Variants in SRPRB observed in about 807,000 individuals in gnomAD.
SRPRB encodes the protein signal recognition particle receptor subunit beta.
In SRPRB, 20 loss-of-function variants were observed where a neutral mutation model predicts 31.9. That is an observed-to-expected ratio of 0.63 (90% confidence interval 0.44 to 0.91). The LOEUF is 0.91. SRPRB is among the 40% of genes least tolerant of loss of function. The pLI is 0.00. For synonymous variants in SRPRB, 146 were observed against 132.8 expected (o/e 1.10, Z -0.68); for missense variants, 321 against 324.9 (o/e 0.99, Z 0.09).
chr3:133,813,585 ATT>A (rs1241920411), intron 4 of SRPRB, among the ~76,000 whole-genome samples: 1 of 152,034 alleles, frequency 6.6e-6, no homozygotes, highest in Non-Finnish European at 1.5e-5. Context: ...ATACTATTCT[ATT>A]TTTTATTGTA....
chr3:133,788,995 G>A (rs1934761377), intron 1 of SRPRB: 1 of 152,250 alleles, frequency 6.6e-6, no homozygotes, highest in Non-Finnish European at 1.5e-5. Context: ...TTACACCCAG[G>A]AACCAAAGGA....
Position 133,816,862 on chromosome 3 carries a change from CTT to C in SRPRB, c.548-14_548-13del, listed in dbSNP as rs1330248765. The C allele has an allele frequency of 6.9e-6, 11 of 1,601,728 alleles. No homozygotes were observed. The highest frequency in any genetic ancestry group is 1.3e-5 in the African/African-American group (1 of 74,540). On this transcript the variant is annotated splice_polypyrimidine_tract_variant and intron_variant, in intron 5 of 6. Coordinates refer to ENST00000678299, the MANE Select transcript of SRPRB (RefSeq NM_001379313.1). Reference sequence around the variant, plus strand: ...ATTCTCGTTTAAACTACAACAGTGTCTTTATTTCTTTACAGATATTGCAATGG... The same window carrying C: ...ATTCTCGTTTAAACTACAACAGTGTCTATTTCTTTACAGATATTGCAATGG...
downstream of SRPRB, chr3:133,828,503 CAT>C (rs995641061): frequency 6.6e-5 from 31 of 470,696 alleles, no homozygotes; most frequent in South Asian, 2.8e-4. Flanking sequence ...ATTGTATACA[CAT>C]GATTTAAATT....
At chr3:133,808,531 C>A (rs1935202698) in intron 3 of SRPRB, among the ~76,000 whole-genome samples, 1 of 152,018 alleles carries the variant, frequency 6.6e-6, no homozygotes, top group Non-Finnish European at 1.5e-5. Context: ...TTATTATAAC[C>A]TTTGCTTTTA....
downstream of SRPRB, chr3:133,828,386 C>G (rs1262333401): frequency 5.7e-6 from 2 of 352,104 alleles, no homozygotes; most frequent in Non-Finnish European, 1.0e-5. Flanking sequence ...TCAAAGAGAA[C>G]AGGAAGGAGG....
intron 1 of SRPRB, among the ~76,000 whole-genome samples, chr3:133,798,334 T>C (rs1280414717): frequency 6.6e-6 from 1 of 152,240 alleles, no homozygotes; most frequent in Non-Finnish European, 1.5e-5. Flanking sequence ...TGTGCATCTC[T>C]TTCGGCTGTA....
At chr3:133,809,274 T>C (rs1392522694) in intron 3 of SRPRB, among the ~76,000 whole-genome samples, 1 of 152,188 alleles carries the variant, frequency 6.6e-6, no homozygotes, top group Non-Finnish European at 1.5e-5. Flanking sequence ...ATTACAGGCG[T>C]GAGCCACTGC....
downstream of SRPRB, chr3:133,828,259 A>C: frequency 4.1e-6 from 2 of 489,142 alleles, no homozygotes; most frequent in South Asian, 4.9e-5. Context: ...ATTTAACTGG[A>C]GTAGGGCCTA....
chr3:133,823,078 G>A (rs934509791), downstream of SRPRB, among the ~76,000 whole-genome samples: 1 of 152,188 alleles, frequency 6.6e-6, no homozygotes, highest in East Asian at 1.9e-4. Flanking sequence ...TCTCAGTAGT[G>A]TGAGCTCCAT....
At chr3:133,811,079 C>G in intron 3 of SRPRB, 38 bp from the exon 4 acceptor site, 1 of 1,597,368 alleles carries the variant, frequency 6.3e-7, no homozygotes, top group Non-Finnish European at 8.6e-7. Flanking sequence ...GAACGTGGAA[C>G]TGTATTGAAA....
intron 6 of SRPRB, among the ~76,000 whole-genome samples, chr3:133,818,947 C>T (rs1045715396): frequency 5.3e-5 from 8 of 152,118 alleles, no homozygotes; most frequent in Non-Finnish European, 1.0e-4. Flanking sequence ...TATTCCTCTG[C>T]TTCTGGATAG....
chr3:133,787,899 TAA>T (rs1439357959), intron 1 of SRPRB: 3 of 152,220 alleles, frequency 2.0e-5, no homozygotes, highest in Non-Finnish European at 4.4e-5. Flanking sequence ...TTAACGTTTA[TAA>T]AAAGACTATC....
intron 1 of SRPRB, chr3:133,794,244 A>T (rs1934912506): frequency 6.6e-6 from 1 of 152,242 alleles, no homozygotes; most frequent in Non-Finnish European, 1.5e-5. Context: ...AAAAGATAAA[A>T]TGATCCAAAT....
intron 2 of SRPRB, among the ~76,000 whole-genome samples, chr3:133,807,426 A>G (rs954584787): frequency 6.6e-6 from 1 of 151,548 alleles, no homozygotes; most frequent in Non-Finnish European, 1.5e-5. Context: ...CTGATTTTTT[A>G]TATTTTTTGT....
At chr3:133,812,453 A>G (rs1935282065) in intron 4 of SRPRB, among the ~76,000 whole-genome samples, 1 of 152,252 alleles carries the variant, frequency 6.6e-6, no homozygotes, top group African/African-American at 2.4e-5. Context: ...GATTTGCAGT[A>G]TAACTACTCT....
At chr3:133,813,644 A>C (rs776844807) in intron 4 of SRPRB, among the ~76,000 whole-genome samples, 3 of 152,134 alleles carry the variant, frequency 2.0e-5, no homozygotes, top group Non-Finnish European at 2.9e-5. Flanking sequence ...CTTTATAGAT[A>C]GCTTTATTAT....
At chr3:133,821,898 G>A (rs1311694327), downstream of SRPRB, among the ~76,000 whole-genome samples, 1 of 152,140 alleles carries the variant, frequency 6.6e-6, no homozygotes, top group East Asian at 1.9e-4. Flanking sequence ...TTTCTGACAG[G>A]GTCAAGTCAG....
In SRPRB at chr3:133,806,648, G is replaced by C. The variant is rs954669680; in HGVS notation, c.194G>C (p.Arg65Thr). 1 of 1,614,206 alleles carries C rather than the reference G, an allele frequency of 6.2e-7. No homozygotes were observed. The highest frequency in any genetic ancestry group is 1.7e-5 in the Admixed American group (1 of 60,032). The part of the protein sequence containing the change: ...KLIRSRRSSQ[R>T]AVLLVGLCDS... ...ATCCGGAGCAGAAGGAGCAGTCAGA[G>C]AGCTGTTCTTCTTGTTGGCCTTTGT... The change falls in exon 2 of 7, where the codon AGA becomes ACA. Residue 65 changes from arginine (R) to threonine (T), a missense_variant. Physicochemically the swap from Arg to Thr is moderately conservative, Grantham distance 71. Transcript: ENST00000678299.
chr3:133,807,081 T>C, intron 2 of SRPRB, among the ~76,000 whole-genome samples: 1 of 152,164 alleles, frequency 6.6e-6, no homozygotes, highest in East Asian at 1.9e-4. Flanking sequence ...GGGTGATCCT[T>C]CTTTGACATA....
Sources: allele counts gnomAD v4.1 joint callset (sites outside exome capture counted in the v4.1 genomes callset), GRCh38; gene constraint gnomAD v4.1.1; transcripts MANE v1.5; gene names NCBI Gene and HGNC (gene_info 2026-07-23, HGNC 2026-07-21).